The following ADGRB3 variants were observed in gnomAD, a reference collection of about 807,000 sequenced individuals.
The protein encoded by ADGRB3 is adhesion G protein-coupled receptor B3, also known as brain-specific angiogenesis inhibitor 3.
A neutral mutation model predicts 193.4 loss-of-function variants in ADGRB3; 37 were observed. The ratio of observed to expected loss-of-function variants is 0.19; its 90% confidence interval spans 0.15 to 0.25. ADGRB3 has a LOEUF of 0.25. Ranked by LOEUF, ADGRB3 falls within the 10% of genes least tolerant of loss-of-function variation. The pLI is 1.00. For missense variants in ADGRB3, 1,637 were observed against 1,852.9 expected (o/e 0.88, Z 2.14); for synonymous variants, 690 against 644.2 (o/e 1.07, Z -1.08).
chr6:69,211,894 C>T (rs1765675429), intron 17 of ADGRB3, among the ~76,000 whole-genome samples: 2 of 152,184 alleles, frequency 1.3e-5, no homozygotes, highest in South Asian at 2.1e-4. Flanking sequence ...ATTACAACCA[C>T]ATGTATTTTA....
At chr6:68,758,150 TCTC>T (rs1334392152) in intron 3 of ADGRB3, among the ~76,000 whole-genome samples, 3 of 152,192 alleles carry the variant, frequency 2.0e-5, no homozygotes, top group South Asian at 4.1e-4. Context: ...GGAGACAAAT[TCTC>T]CTCACAAATT....
chr6:68,679,322 AG>A (rs1478155046), intron 3 of ADGRB3, among the ~76,000 whole-genome samples: 1 of 152,116 alleles, frequency 6.6e-6, no homozygotes, highest in Non-Finnish European at 1.5e-5. Flanking sequence ...GGGTGGTGCA[AG>A]GATTCAGATT....
At chr6:68,959,317 A>G (rs1169618814) in intron 8 of ADGRB3, among the ~76,000 whole-genome samples, 1 of 152,044 alleles carries the variant, frequency 6.6e-6, no homozygotes, top group Admixed American at 6.6e-5. Context: ...TTACCATAAC[A>G]TTTTTCTAAG....
At chr6:68,852,705 T>C (rs958450330) in intron 3 of ADGRB3, among the ~76,000 whole-genome samples, 4 of 152,164 alleles carry the variant, frequency 2.6e-5, no homozygotes, top group Non-Finnish European at 5.9e-5. Flanking sequence ...ATTCTATCTT[T>C]CTTATAAATG....
At chr6:69,243,770 G>T (rs1766431935) in intron 20 of ADGRB3, among the ~76,000 whole-genome samples, 1 of 151,802 alleles carries the variant, frequency 6.6e-6, no homozygotes, top group African/African-American at 2.4e-5. Context: ...GCCCTGTATG[G>T]GCCTTCTAGA....
intron 3 of ADGRB3, among the ~76,000 whole-genome samples, chr6:68,922,565 G>A (rs555562662): frequency 3.2e-4 from 48 of 152,272 alleles, no homozygotes; most frequent in Middle Eastern, 6.8e-3. Context: ...ACAACTCTTG[G>A]TCTGCTGGGA....
At chr6:68,889,789 A>C (rs929444966) in intron 3 of ADGRB3, among the ~76,000 whole-genome samples, 2 of 152,198 alleles carry the variant, frequency 1.3e-5, no homozygotes, top group African/African-American at 4.8e-5. Context: ...GGCGTGAGCC[A>C]CCATGCCTGG....
chr6:69,341,230 C>T (rs757081735), intron 26 of ADGRB3, among the ~76,000 whole-genome samples: 1 of 152,172 alleles, frequency 6.6e-6, no homozygotes, highest in Admixed American at 6.5e-5. Context: ...ACACTCCCAC[C>T]AACAGTGTAA....
intron 20 of ADGRB3, among the ~76,000 whole-genome samples, chr6:69,268,572 G>C (rs1343581412): frequency 6.6e-6 from 1 of 152,086 alleles, no homozygotes; most frequent in Non-Finnish European, 1.5e-5. Context: ...CTACACAAAA[G>C]TATTGACATA....
At chr6:68,736,210 G>T (rs1241712214) in intron 3 of ADGRB3, among the ~76,000 whole-genome samples, 3 of 151,788 alleles carry the variant, frequency 2.0e-5, no homozygotes, top group African/African-American at 7.3e-5. Context: ...ATAGAGATAG[G>T]GTCTCTCTTT....
chr6:69,122,582 T>C (rs1235463744), intron 17 of ADGRB3, among the ~76,000 whole-genome samples: 1 of 151,070 alleles, frequency 6.6e-6, no homozygotes, highest in Non-Finnish European at 1.5e-5. Flanking sequence ...CTTCACAAAG[T>C]AGGGATGGGA....
At chr6:69,138,218 C>T (rs1774211776) in intron 17 of ADGRB3, among the ~76,000 whole-genome samples, 1 of 152,232 alleles carries the variant, frequency 6.6e-6, no homozygotes, top group Non-Finnish European at 1.5e-5. Flanking sequence ...CTGGCAGTCT[C>T]TGCCACATCC....
chr6:68,658,883 AATG>A (rs1341892692), intron 3 of ADGRB3, among the ~76,000 whole-genome samples: 3 of 151,166 alleles, frequency 2.0e-5, no homozygotes, highest in Non-Finnish European at 4.5e-5. Flanking sequence ...ATTATCTTTT[AATG>A]ATTTTAAGTT....
chr6:69,180,800 C>T (rs1430608854), intron 17 of ADGRB3, among the ~76,000 whole-genome samples: 1 of 152,192 alleles, frequency 6.6e-6, no homozygotes, highest in East Asian at 1.9e-4. Context: ...AGAGTACGTA[C>T]TCCATTTCTG....
intron 20 of ADGRB3, among the ~76,000 whole-genome samples, chr6:69,280,749 A>G (rs1348573314): frequency 2.0e-5 from 3 of 152,158 alleles, no homozygotes; most frequent in African/African-American, 7.2e-5. Flanking sequence ...ACAATATGTA[A>G]CCCAGTTCTC....
chr6:68,675,948 T>A (rs1769076509), intron 3 of ADGRB3, among the ~76,000 whole-genome samples: 1 of 152,224 alleles, frequency 6.6e-6, no homozygotes. Flanking sequence ...ATTCTTGTAT[T>A]TTTCTAATTA....
chr6:69,278,252 A>G (rs1009909500), intron 20 of ADGRB3, among the ~76,000 whole-genome samples: 2 of 152,226 alleles, frequency 1.3e-5, no homozygotes, highest in Admixed American at 1.3e-4. Flanking sequence ...TCACACAATA[A>G]AAGTATTCAT....
chr6:68,795,462 T>C (rs1767189294), intron 3 of ADGRB3, among the ~76,000 whole-genome samples: 1 of 152,064 alleles, frequency 6.6e-6, no homozygotes, highest in South Asian at 2.1e-4. Flanking sequence ...AAGGTTACTA[T>C]GAAAAACACA....
chr6:68,871,931 A>T (rs1765471264), intron 3 of ADGRB3, among the ~76,000 whole-genome samples: 1 of 152,048 alleles, frequency 6.6e-6, no homozygotes, highest in Admixed American at 6.6e-5. Context: ...TCTTTCTTTG[A>T]TTAGGTTTAT....
Sources: allele counts gnomAD v4.1 joint callset (sites outside exome capture counted in the v4.1 genomes callset), GRCh38; gene constraint gnomAD v4.1.1; transcripts MANE v1.5; gene names NCBI Gene and HGNC (gene_info 2026-07-23, HGNC 2026-07-21).